NEK11: variants seen among roughly 807,000 people sequenced by gnomAD.
NEK11 encodes serine/threonine-protein kinase Nek11.
In NEK11, 72 loss-of-function variants were observed where a neutral mutation model predicts 80.7. The observed-to-expected ratio is 0.89, with a 90% confidence interval of 0.74 to 1.08. NEK11 has a LOEUF of 1.08. Ranked by LOEUF, NEK11 falls within the 50% of genes least tolerant of loss-of-function variation. The pLI, the probability that NEK11 is intolerant of heterozygous loss-of-function variation, is 0.00. For synonymous variants in NEK11, 251 were observed against 260.7 expected (o/e 0.96, Z 0.36); for missense variants, 764 against 763.6 (o/e 1.00, Z -0.01).
intron 4 of NEK11, among the ~76,000 whole-genome samples, chr3:131,106,129 G>T (rs2079139537): frequency 6.6e-6 from 1 of 152,142 alleles, no homozygotes; most frequent in Non-Finnish European, 1.5e-5. Flanking sequence ...CTATAGATTG[G>T]AAAACCTGTG....
At chr3:131,330,608 T>C (rs1336947379) in intron 17 of NEK11, 1 of 152,194 alleles carries the variant, frequency 6.6e-6, no homozygotes, top group Non-Finnish European at 1.5e-5. Context: ...TTCCTAAAAT[T>C]TAAATCATCC....
At chr3:131,219,554 TA>T (rs1351413700) in intron 14 of NEK11, among the ~76,000 whole-genome samples, 2 of 52,630 alleles carry the variant, frequency 3.8e-5, no homozygotes, top group Non-Finnish European at 7.7e-5. Flanking sequence ...ACTTAAAGTA[TA>T]CAAAAAAAAA....
intron 4 of NEK11, among the ~76,000 whole-genome samples, chr3:131,104,102 T>C (rs530467026): frequency 1.3e-5 from 2 of 152,284 alleles, no homozygotes; most frequent in East Asian, 3.9e-4. Context: ...AGAAGATAGT[T>C]TGGCCTCTTC....
intron 14 of NEK11, among the ~76,000 whole-genome samples, chr3:131,221,464 T>TATTCTGGGGACCACCCTTTAAGAACC (rs2095023551): frequency 2.0e-5 from 3 of 152,192 alleles, no homozygotes; most frequent in African/African-American, 7.2e-5. Context: ...TTGTTCTTGC[T>TATTCTGGGGACCACCCTTTAAGAACC]ATTCTGGGGA....
At chr3:131,331,103 TG>T (rs1190536360) in intron 17 of NEK11, among the ~76,000 whole-genome samples, 2 of 152,176 alleles carry the variant, frequency 1.3e-5, no homozygotes, top group Non-Finnish European at 2.9e-5. Context: ...ACATGAACCT[TG>T]GGGGACACAT....
chr3:131,271,041 C>T (rs1449290352), intron 16 of NEK11, among the ~76,000 whole-genome samples: 1 of 152,210 alleles, frequency 6.6e-6, no homozygotes, highest in East Asian at 1.9e-4. Flanking sequence ...CTCTTGCCCA[C>T]TCCCCAAGCT....
At chr3:131,216,594 T>C (rs1239925515) in intron 14 of NEK11, among the ~76,000 whole-genome samples, 1 of 152,116 alleles carries the variant, frequency 6.6e-6, no homozygotes, top group Non-Finnish European at 1.5e-5. Context: ...TATTCTTCTC[T>C]GGCTTGAACA....
rs148829896 is a variant in NEK11 at position 131,170,271 on chromosome 3, G to A, written c.1285-502G>A. Among the ~76,000 whole-genome samples the A allele has an allele frequency of 5.3e-5, 8 of 152,280 alleles. No homozygotes were observed. In the East Asian group the frequency reaches 1.3e-3, roughly 26 times the overall value. ...TAAACCTTTTATTTTTTTGAAGTGT[G>A]AATTCTTTCATCATGTGGTCTCTTA... On this transcript the variant is annotated intron_variant, in intron 13 of 17. Coordinates refer to ENST00000383366, the MANE Select transcript of NEK11 (RefSeq NM_024800.5).
At chr3:131,112,752 T>C (rs772698749) in intron 5 of NEK11, among the ~76,000 whole-genome samples, 1 of 152,046 alleles carries the variant, frequency 6.6e-6, no homozygotes, top group Non-Finnish European at 1.5e-5. Context: ...TTTCCAGATA[T>C]AGGGAACAGA....
rs972878358 is a variant in NEK11, at chr3:131,255,983, C to G, written c.1621+12487C>G. 3.8e-4 allele frequency among the ~76,000 whole-genome samples: 58 copies of G among 152,254 alleles called. 1 individual carries two copies. Among genetic ancestry groups the G allele is most frequent in the Admixed American group, 7.2e-4 (11 of 15,278 alleles). ...AGAGTTCTCCAAACCTCTTGTGGTT[C>G]TGAGGGCTGTCCAATTCATAAATCA... On this transcript the variant is annotated intron_variant, in intron 16 of 17. Transcript: ENST00000383366.
chr3:131,142,279 GCAAT>G (rs1231190971), intron 7 of NEK11, among the ~76,000 whole-genome samples: 2 of 152,194 alleles, frequency 1.3e-5, no homozygotes, highest in East Asian at 3.9e-4. Flanking sequence ...TTCGCAAAGA[GCAAT>G]CAATCTACCA....
At chr3:131,277,045 C>A (rs2096304939) in intron 17 of NEK11, among the ~76,000 whole-genome samples, 1 of 152,104 alleles carries the variant, frequency 6.6e-6, no homozygotes, top group Non-Finnish European at 1.5e-5. Flanking sequence ...CTGTTGTTTC[C>A]TCATTATGAG....
intron 15 of NEK11, among the ~76,000 whole-genome samples, chr3:131,233,014 A>C: frequency 6.6e-6 from 1 of 151,126 alleles, no homozygotes; most frequent in Admixed American, 6.6e-5. Flanking sequence ...GGAAGGAAGG[A>C]AGGAAGGAAG....
rs1202417657 is a variant in NEK11 at position 131,080,409 on chromosome 3, T to A, written c.171-14T>A. 1 of 1,583,074 alleles carries A rather than the reference T, an allele frequency of 6.3e-7. No homozygotes were observed. Among genetic ancestry groups the A allele is most frequent in the Admixed American group, 1.9e-5 (1 of 53,234 alleles). On this transcript the variant is annotated splice_polypyrimidine_tract_variant and intron_variant, in intron 3 of 17. Transcript: ENST00000383366. Reference sequence around the variant, plus strand: ...TTCAGCTCTAAATGTTTTTAAAATTTTTTTTGATCTCAGAAAGGTACTTAA... The same window carrying A: ...TTCAGCTCTAAATGTTTTTAAAATTATTTTTGATCTCAGAAAGGTACTTAA...
chr3:131,282,446 C>A (rs1165246197), intron 17 of NEK11, among the ~76,000 whole-genome samples: 1 of 152,100 alleles, frequency 6.6e-6, no homozygotes, highest in African/African-American at 2.4e-5. Flanking sequence ...TGAATGGCTA[C>A]CACAGTGCAT....
intron 2 of NEK11, among the ~76,000 whole-genome samples, chr3:131,028,738 A>C (rs1035078034): frequency 6.6e-6 from 1 of 151,876 alleles, no homozygotes; most frequent in African/African-American, 2.4e-5. Context: ...ATTTTTTTGT[A>C]TTAGACGGGG....
chr3:131,161,361 T>C (rs1309794457), intron 10 of NEK11, among the ~76,000 whole-genome samples: 1 of 152,154 alleles, frequency 6.6e-6, no homozygotes, highest in Admixed American at 6.5e-5. Context: ...TAAATCATTC[T>C]ATCATAAAGA....
intron 16 of NEK11, among the ~76,000 whole-genome samples, chr3:131,269,817 A>G (rs1451834646): frequency 6.6e-6 from 1 of 152,224 alleles, no homozygotes; most frequent in Non-Finnish European, 1.5e-5. Flanking sequence ...GTGCAGTTAC[A>G]CAGAGCCCTA....
chr3:131,327,427 G>GAGAC (rs1484062386), intron 17 of NEK11: 1 of 152,322 alleles, frequency 6.6e-6, no homozygotes, highest in African/African-American at 2.4e-5. Flanking sequence ...CACAGGCCAG[G>GAGAC]AGACAGGGAT....
Sources: gnomAD v4.1 joint callset for allele counts (sites outside exome capture counted in the v4.1 genomes callset) on GRCh38, gnomAD v4.1.1 for gene constraint, MANE v1.5 for transcripts, NCBI Gene and HGNC (gene_info 2026-07-23, HGNC 2026-07-21) for gene names.